EPHA3: variants seen among roughly 807,000 people sequenced by gnomAD.
The protein encoded by EPHA3 is ephrin type-A receptor 3.
A neutral mutation model predicts 107.1 loss-of-function variants in EPHA3; 42 were observed. The ratio of observed to expected loss-of-function variants is 0.39; its 90% CI spans 0.31 to 0.51. EPHA3 has a LOEUF of 0.51. EPHA3 is among the 20% of genes least tolerant of loss of function. The probability of loss-of-function intolerance (pLI) is 0.78; values close to 1 mark genes in which losing one functional copy is unlikely to be tolerated. For missense variants in EPHA3, 1,183 were observed against 1,211.2 expected, an observed-to-expected ratio of 0.98 and a Z score of 0.35; for synonymous variants, 461 against 424.8, an observed-to-expected ratio of 1.09 and a Z score of -1.05.
At chr3:89,149,575 C>T (rs1304945728) in intron 2 of EPHA3, among the ~76,000 whole-genome samples, 1 of 151,766 alleles carries the variant, frequency 6.6e-6, no homozygotes, top group African/African-American at 2.4e-5. Flanking sequence ...ATGTTGTGTG[C>T]TGCACCCATT....
chr3:89,182,370 G>A (rs1576210628), intron 2 of EPHA3, among the ~76,000 whole-genome samples: 1 of 151,892 alleles, frequency 6.6e-6, no homozygotes, highest in East Asian at 1.9e-4. Context: ...GTGGAGAGTA[G>A]CCTAGTCACT....
chr3:89,172,059 C>T lies in EPHA3; in HGVS notation c.154-37801C>T, dbSNP rs138028437. On this transcript the variant is annotated intron_variant, in intron 2 of 16. Coordinates refer to ENST00000336596, the MANE Select transcript of EPHA3 (RefSeq NM_005233.6). Reference sequence around the variant, plus strand: ...TTCTTCTCTACTCCCCCACCACCCCCTTTACGTCTGAAGCCATCAATTCAT... The same window carrying T: ...TTCTTCTCTACTCCCCCACCACCCCTTTTACGTCTGAAGCCATCAATTCAT... Among the ~76,000 whole-genome samples, 1,437 of 152,222 alleles carry T rather than the reference C, an allele frequency of 9.4e-3. 6 individuals carry two copies. The highest frequency in any genetic ancestry group is 0.015 in the Non-Finnish European group (1,022 of 68,002).
At chr3:89,183,564 G>T (rs567577022) in intron 2 of EPHA3, among the ~76,000 whole-genome samples, 2 of 151,748 alleles carry the variant, frequency 1.3e-5, no homozygotes, top group Non-Finnish European at 2.9e-5. Context: ...ATTGCCTAAA[G>T]TTCTGAAGTA....
intron 1 of EPHA3, among the ~76,000 whole-genome samples, chr3:89,118,417 A>G (rs1707304422): frequency 6.6e-6 from 1 of 151,952 alleles, no homozygotes; most frequent in African/African-American, 2.4e-5. Context: ...ATATTCCCAC[A>G]AGAAAAATAA....
chr3:89,117,625 TGTCCTCTTACAAAACTG>T (rs1353755015), intron 1 of EPHA3, among the ~76,000 whole-genome samples: 2 of 152,094 alleles, frequency 1.3e-5, no homozygotes. Flanking sequence ...CCAACAGTAT[TGTCCTCTTACAAAACTG>T]AGCTATTCCC....
chr3:89,201,868 G>A (rs1705975920), intron 2 of EPHA3, among the ~76,000 whole-genome samples: 1 of 152,166 alleles, frequency 6.6e-6, no homozygotes, highest in Non-Finnish European at 1.5e-5. Flanking sequence ...TATCGAGGAT[G>A]TTAAGTGTGA....
At chr3:89,380,971 G>GTTTTTTTTTTT (rs1373969030) in intron 5 of EPHA3, among the ~76,000 whole-genome samples, 7 of 151,328 alleles carry the variant, frequency 4.6e-5, no homozygotes, top group African/African-American at 1.7e-4. Flanking sequence ...GCTATAGGCT[G>GTTTTTTTTTTT]TTTGTTTGTT....
intron 2 of EPHA3, among the ~76,000 whole-genome samples, chr3:89,145,027 T>C (rs1162671252): frequency 6.6e-6 from 1 of 151,656 alleles, no homozygotes; most frequent in African/African-American, 2.4e-5. Context: ...AAAATAAAAT[T>C]GAATTTACCC....
chr3:89,444,423 A>T (rs1451912025), intron 13 of EPHA3, among the ~76,000 whole-genome samples: 7 of 151,650 alleles, frequency 4.6e-5, no homozygotes, highest in African/African-American at 1.7e-4. Flanking sequence ...ATGTTGGTTT[A>T]TTATTCTTTT....
rs114796333 is a variant in EPHA3, at chr3:89,453,354, C to T, written c.2690+2984C>T. On this transcript the variant is annotated intron_variant, in intron 15 of 16. Transcript: ENST00000336596. The stretch of plus-strand genomic sequence containing the variant: ...TACTATCAGATCATAATATGTGAGG[C>T]TATGTCCTAGCATCCAAATTTTAAC... 5.7e-3 allele frequency among the ~76,000 whole-genome samples: 865 copies of T among 152,244 alleles called. 6 individuals carry two copies. Among genetic ancestry groups the T allele is most frequent in the Non-Finnish European group, 8.6e-3 (585 of 68,000 alleles).
rs80187976 is a variant in EPHA3, at chr3:89,257,743, G to A, written c.814+47223G>A. 2.2e-3 allele frequency among the ~76,000 whole-genome samples: 337 copies of A among 151,184 alleles called. 12 individuals carry two copies. The East Asian group carries it at 0.056, about 25-fold the overall frequency. On this transcript the variant is annotated intron_variant, in intron 3 of 16. Transcript: ENST00000336596. Reference sequence around the variant, plus strand: ...TATCAAAAACTCTTAAGTCCACACTGATCCTAAATAAAAGGTGGTAGGAGT... The same window carrying A: ...TATCAAAAACTCTTAAGTCCACACTAATCCTAAATAAAAGGTGGTAGGAGT...
At chr3:89,189,531 T>C (rs567559464) in intron 2 of EPHA3, among the ~76,000 whole-genome samples, 62 of 152,292 alleles carry the variant, frequency 4.1e-4, no homozygotes, top group African/African-American at 1.4e-3. Context: ...AGGCGGAGGT[T>C]GCAGTGAGCC....
chr3:89,357,158 G>A (rs1188670698), intron 5 of EPHA3, among the ~76,000 whole-genome samples: 22 of 129,064 alleles, frequency 1.7e-4, no homozygotes, highest in Non-Finnish European at 2.3e-4. Context: ...CAAAGATATC[G>A]GCAAAGAGTA....
At chr3:89,310,655 T>C (rs1362080843) in intron 3 of EPHA3, among the ~76,000 whole-genome samples, 1 of 151,852 alleles carries the variant, frequency 6.6e-6, no homozygotes, top group Non-Finnish European at 1.5e-5. Context: ...TGCAATTTAA[T>C]AGATACTCTA....
intron 3 of EPHA3, among the ~76,000 whole-genome samples, chr3:89,326,532 G>A (rs568104414): frequency 6.6e-6 from 1 of 152,086 alleles, no homozygotes; most frequent in Non-Finnish European, 1.5e-5. Context: ...TAGGACTACA[G>A]GCAAGTGCCA....
At chr3:89,407,869 A>G (rs1436962198) in intron 8 of EPHA3, among the ~76,000 whole-genome samples, 198 bp from the exon 9 acceptor site, 3 of 152,158 alleles carry the variant, frequency 2.0e-5, no homozygotes, top group Non-Finnish European at 4.4e-5. Flanking sequence ...GTATCTCCTC[A>G]TTAGGCAGCT....
intron 5 of EPHA3, among the ~76,000 whole-genome samples, chr3:89,377,686 T>C (rs1708427828): frequency 6.6e-6 from 1 of 152,128 alleles, no homozygotes; most frequent in African/African-American, 2.4e-5. Flanking sequence ...GAAGGAAATT[T>C]AACTTGAAAA....
chr3:89,271,281 G>A (rs1009876286), intron 3 of EPHA3, among the ~76,000 whole-genome samples: 19 of 151,982 alleles, frequency 1.3e-4, no homozygotes, highest in Non-Finnish European at 2.8e-4. Context: ...AGAAAACAAA[G>A]CTTAGCTAGA....
At chr3:89,358,088 A>T (rs529494754) in intron 5 of EPHA3, among the ~76,000 whole-genome samples, 1 of 151,354 alleles carries the variant, frequency 6.6e-6, no homozygotes, top group East Asian at 1.9e-4. Context: ...AAGATCTAGA[A>T]ATAATAAAGT....
Sources: gnomAD v4.1 joint callset for allele counts (sites outside exome capture counted in the v4.1 genomes callset) on GRCh38, gnomAD v4.1.1 for gene constraint, MANE v1.5 for transcripts, NCBI Gene and HGNC (gene_info 2026-07-23, HGNC 2026-07-21) for gene names.